The following CACNA1E variants were observed in gnomAD, a reference collection of about 807,000 sequenced individuals.
The protein encoded by CACNA1E is calcium voltage-gated channel subunit alpha1 E.
CACNA1E carries 40 observed loss-of-function variants against 259.2 expected under a neutral mutation model. The observed-to-expected ratio is 0.15, with a 90% CI of 0.12 to 0.20. The LOEUF (loss-of-function observed/expected upper bound fraction) is 0.20, where lower values mean the gene tolerates loss of function less well. Ranked by LOEUF, CACNA1E falls within the 10% of genes least tolerant of loss-of-function variation. The pLI, the probability that CACNA1E is intolerant of heterozygous loss-of-function variation, is 1.00. For missense variants in CACNA1E, 1,874 were observed against 3,040.1 expected, an observed-to-expected ratio of 0.62 and a Z score of 9.02; for synonymous variants, 1,104 against 1,138.5, an observed-to-expected ratio of 0.97 and a Z score of 0.61.
chr1:181,716,019 T>C, intron 9 of CACNA1E, 21 bp from the exon 10 acceptor site: 5 of 1,540,624 alleles, frequency 3.2e-6, no homozygotes, highest in Non-Finnish European at 4.4e-6. Context: ...CTCTCACTGG[T>C]CTTCCCTTTC....
chr1:181,671,695 C>T (rs1572551780), intron 7 of CACNA1E, among the ~76,000 whole-genome samples: 1 of 152,198 alleles, frequency 6.6e-6, no homozygotes, highest in East Asian at 1.9e-4. Flanking sequence ...GTGTCAGTTA[C>T]TCTGAAGATG....
intron 1 of CACNA1E, among the ~76,000 whole-genome samples, chr1:181,388,663 TG>T (rs1656032759): frequency 6.6e-6 from 1 of 151,712 alleles, no homozygotes; most frequent in Admixed American, 6.6e-5. Flanking sequence ...TTGAGGCGGG[TG>T]GATCACCTGA....
At position 181,766,527 on chromosome 1, in the gene CACNA1E, A is replaced by T. The variant is rs375470004; in HGVS notation, c.4816-19A>T. The T allele has an allele frequency of 8.8e-6, 14 of 1,597,176 alleles. No homozygotes were observed. Among genetic ancestry groups the T allele is most frequent in the Middle Eastern group, 3.3e-4 (2 of 6,034 alleles). ...GCTGCTTTTCTTTGATTAACGTCTT[A>T]TCTCTGCTTTCCTTCCAGGCCCTCC... is the stretch of plus-strand genomic sequence containing the variant. On this transcript the variant is annotated intron_variant, in intron 34 of 47. Coordinates refer to ENST00000367573, the MANE Select transcript of CACNA1E (RefSeq NM_001205293.3).
chr1:181,547,547 C>T (rs141906187), intron 3 of CACNA1E, among the ~76,000 whole-genome samples: 121 of 152,388 alleles, frequency 7.9e-4, no homozygotes, highest in Non-Finnish European at 4.7e-4. Flanking sequence ...TAACTTGCCA[C>T]TGACTACACA....
chr1:181,356,761 G>C, intron 1 of CACNA1E, among the ~76,000 whole-genome samples: 1 of 152,200 alleles, frequency 6.6e-6, no homozygotes, highest in East Asian at 1.9e-4. Context: ...GCGGGCTCCT[G>C]TTGTATCCTG....
intron 29 of CACNA1E, among the ~76,000 whole-genome samples, 159 bp from the exon 30 acceptor site, chr1:181,756,766 G>A (rs1658123536): frequency 6.6e-6 from 1 of 152,164 alleles, no homozygotes; most frequent in Non-Finnish European, 1.5e-5. Context: ...GTGGATTGTT[G>A]ATAGCAGGAT....
chr1:181,735,134 T>C (rs1655917800), intron 21 of CACNA1E, among the ~76,000 whole-genome samples: 1 of 152,222 alleles, frequency 6.6e-6, no homozygotes, highest in Non-Finnish European at 1.5e-5. Context: ...CACTGCTACT[T>C]CAGAAAGTGC....
intron 25 of CACNA1E, 61 bp from the exon 26 acceptor site, chr1:181,750,415 C>G (rs1657488166): frequency 2.0e-6 from 3 of 1,505,972 alleles, no homozygotes; most frequent in Non-Finnish European, 2.8e-6. Context: ...CTACCCCAAC[C>G]CCATTTTTTT....
chr1:181,722,065 G>A (rs1164414433), intron 16 of CACNA1E, among the ~76,000 whole-genome samples, 190 bp downstream of exon 16: 15 of 152,182 alleles, frequency 9.9e-5, no homozygotes, highest in Admixed American at 9.8e-4. Context: ...GAATACAAAC[G>A]TAAACAAGAT....
intron 7 of CACNA1E, among the ~76,000 whole-genome samples, chr1:181,671,411 T>G (rs1042714104): frequency 3.3e-5 from 5 of 152,214 alleles, no homozygotes; most frequent in Non-Finnish European, 7.3e-5. Flanking sequence ...CTTATGAACT[T>G]TATTTTTCTC....
chr1:181,672,108 G>A (rs989570480), intron 7 of CACNA1E, among the ~76,000 whole-genome samples: 8 of 152,174 alleles, frequency 5.3e-5, no homozygotes, highest in African/African-American at 1.9e-4. Context: ...GCTGGAGGCC[G>A]TTATCCTTAG....
intron 13 of CACNA1E, 77 bp downstream of exon 13, chr1:181,719,940 C>A: frequency 1.1e-6 from 1 of 879,148 alleles, no homozygotes; most frequent in Non-Finnish European, 1.8e-6. Context: ...TTTCTTCCAT[C>A]TTCTCTTTCC....
chr1:181,673,297 G>A (rs1277094665), intron 7 of CACNA1E, among the ~76,000 whole-genome samples: 8 of 152,054 alleles, frequency 5.3e-5, no homozygotes, highest in Admixed American at 1.3e-4. Flanking sequence ...ACACTTTGGG[G>A]CTGCCCTGTT....
intron 26 of CACNA1E, among the ~76,000 whole-genome samples, chr1:181,751,758 C>G (rs1452898908): frequency 6.6e-6 from 1 of 152,154 alleles, no homozygotes; most frequent in Non-Finnish European, 1.5e-5. Context: ...CTCACGTTCC[C>G]TAGTTGATGT....
chr1:181,420,757 C>T (rs1658671068), intron 2 of CACNA1E, among the ~76,000 whole-genome samples: 1 of 152,052 alleles, frequency 6.6e-6, no homozygotes, highest in Admixed American at 6.5e-5. Context: ...GCATATGGGT[C>T]TGGAAGAAAG....
At chr1:181,416,176 A>T (rs1018284896) in intron 2 of CACNA1E, among the ~76,000 whole-genome samples, 4 of 152,204 alleles carry the variant, frequency 2.6e-5, no homozygotes, top group Admixed American at 2.0e-4. Context: ...ATTCTTGAGG[A>T]CTTAGTATGA....
chr1:181,337,077 G>C (rs774410740), intron 1 of CACNA1E, among the ~76,000 whole-genome samples: 4 of 150,770 alleles, frequency 2.7e-5, no homozygotes, highest in Non-Finnish European at 5.9e-5. Flanking sequence ...ATAGTAAAAT[G>C]ATTACTACAG....
rs74127831 is a variant in CACNA1E, at chr1:181,727,993, T to A, written c.2240+1831T>A. 4.7e-3 allele frequency among the ~76,000 whole-genome samples: 715 copies of A among 152,260 alleles called. 6 individuals carry two copies. The highest frequency in any genetic ancestry group is 0.016 in the African/African-American group (676 of 41,532). Reference sequence around the variant, plus strand: ...TCGTAACAAATGCCTGGCCCCTGGATCCCTCTTCTGTGAGTGAAAGAGAAA... The same window carrying A: ...TCGTAACAAATGCCTGGCCCCTGGAACCCTCTTCTGTGAGTGAAAGAGAAA... On this transcript the variant is annotated intron_variant, in intron 18 of 47. Coordinates refer to ENST00000367573, the MANE Select transcript of CACNA1E (RefSeq NM_001205293.3).
chr1:181,375,817 T>A (rs904188989), intron 1 of CACNA1E, among the ~76,000 whole-genome samples: 5 of 152,224 alleles, frequency 3.3e-5, no homozygotes, highest in African/African-American at 1.2e-4. Context: ...TTGATGAGGC[T>A]GAGTTTTCTG....
Sources: allele counts gnomAD v4.1 joint callset (sites outside exome capture counted in the v4.1 genomes callset), GRCh38; gene constraint gnomAD v4.1.1; transcripts MANE v1.5; gene names NCBI Gene and HGNC (gene_info 2026-07-23, HGNC 2026-07-21).